The following FILIP1L variants were observed in gnomAD, a reference collection of about 807,000 sequenced individuals.
The protein encoded by FILIP1L is filamin A interacting protein 1 like.
A neutral mutation model predicts 96.6 loss-of-function variants in FILIP1L; 55 were observed. The ratio of observed to expected loss-of-function variants is 0.57; its 90% CI spans 0.46 to 0.71. FILIP1L has a LOEUF of 0.71. Among genes scored for constraint, FILIP1L ranks in the 30% least tolerant of loss-of-function variants. The pLI, the probability that FILIP1L is intolerant of heterozygous loss-of-function variation, is 0.00. For missense variants in FILIP1L, 1,304 were observed against 1,321.2 expected (o/e 0.99, Z 0.20); for synonymous variants, 467 against 473.9 (o/e 0.99, Z 0.19).
At chr3:99,866,896 T>C (rs763621746) in intron 4 of FILIP1L, among the ~76,000 whole-genome samples, 5 of 152,238 alleles carry the variant, frequency 3.3e-5, no homozygotes, top group Admixed American at 6.5e-5. Flanking sequence ...TTGCTTGTCC[T>C]CTTGCATGCT....
intron 1 of FILIP1L, among the ~76,000 whole-genome samples, chr3:100,028,697 G>C (rs1270647144): frequency 1.3e-5 from 2 of 152,076 alleles, no homozygotes; most frequent in African/African-American, 2.4e-5. Context: ...AAGTATTTAT[G>C]ATAATTTATC....
At chr3:100,053,211 C>G (rs143230650) in intron 1 of FILIP1L, among the ~76,000 whole-genome samples, 1 of 152,244 alleles carries the variant, frequency 6.6e-6, no homozygotes, top group African/African-American at 2.4e-5. Context: ...GACACAGTTT[C>G]CTAGGACTGC....
intron 1 of FILIP1L, among the ~76,000 whole-genome samples, chr3:100,092,548 A>G (rs1402267853): frequency 1.3e-5 from 2 of 151,420 alleles, no homozygotes; most frequent in African/African-American, 4.9e-5. Context: ...GCATGTGTAT[A>G]TCTTGTATTT....
intron 4 of FILIP1L, among the ~76,000 whole-genome samples, chr3:99,855,425 G>A (rs1943914274): frequency 6.6e-6 from 1 of 152,182 alleles, no homozygotes; most frequent in Admixed American, 6.5e-5. Flanking sequence ...TGCCAGTGAT[G>A]TGTTGCCAAG....
intron 1 of FILIP1L, among the ~76,000 whole-genome samples, chr3:100,102,730 G>T (rs964476814): frequency 6.6e-6 from 1 of 152,020 alleles, no homozygotes; most frequent in Non-Finnish European, 1.5e-5. Flanking sequence ...GCTTCCTCTG[G>T]GTTTGTTCAT....
rs149950093 is a variant in FILIP1L at position 99,840,672 on chromosome 3, A to G, written c.3381+7623T>C. Among the ~76,000 whole-genome samples the G allele has an allele frequency of 3.3e-5, 5 of 152,314 alleles. No homozygotes were observed. The East Asian group carries it at 9.6e-4, about 29-fold the overall frequency. On this transcript the variant is annotated intron_variant, in intron 5 of 5. Coordinates refer to ENST00000477258, the MANE Select transcript of FILIP1L (RefSeq NM_001387850.1). The stretch of plus-strand genomic sequence containing the variant: ...ACTTTATTTCCCAAAAGGAATTTTA[A>G]ATGATTTAAGGAGGGTGGCAAGACT...
chr3:99,846,520 A>G (rs1943371046), intron 5 of FILIP1L, among the ~76,000 whole-genome samples: 1 of 152,240 alleles, frequency 6.6e-6, no homozygotes, highest in Non-Finnish European at 1.5e-5. Context: ...ATAAACATTT[A>G]GACCATCATG....
chr3:99,890,754 A>G (rs1177908297), intron 4 of FILIP1L, among the ~76,000 whole-genome samples: 2 of 151,404 alleles, frequency 1.3e-5, no homozygotes, highest in Middle Eastern at 3.2e-3. Flanking sequence ...CATATTAAGT[A>G]TGTCTTACAT....
intron 4 of FILIP1L, among the ~76,000 whole-genome samples, chr3:99,887,540 GT>G (rs951416984): frequency 6.6e-6 from 1 of 152,200 alleles, no homozygotes; most frequent in Admixed American, 6.5e-5. Context: ...TAAGTAGTGG[GT>G]TCTGGGTTTT....
intron 1 of FILIP1L, chr3:100,025,469 G>A (rs770077807): frequency 3.9e-5 from 6 of 152,066 alleles, no homozygotes; most frequent in Admixed American, 3.9e-4. Context: ...AGGATTTGAT[G>A]TTGCCTAGGG....
At chr3:99,851,330 T>C (rs866398177) in intron 4 of FILIP1L, among the ~76,000 whole-genome samples, 23 of 152,216 alleles carry the variant, frequency 1.5e-4, no homozygotes, top group Admixed American at 1.0e-3. Flanking sequence ...CAAGAATATT[T>C]AGTTTAAATT....
At chr3:100,002,294 C>G (rs1245606275) in intron 1 of FILIP1L, among the ~76,000 whole-genome samples, 1 of 152,108 alleles carries the variant, frequency 6.6e-6, no homozygotes, top group African/African-American at 2.4e-5. Context: ...ATTTTTTGTA[C>G]CTTCAAAACT....
intron 1 of FILIP1L, among the ~76,000 whole-genome samples, chr3:99,998,724 C>T (rs1197445260): frequency 6.6e-6 from 1 of 152,140 alleles, no homozygotes; most frequent in Non-Finnish European, 1.5e-5. Flanking sequence ...CACCATGCCC[C>T]AGCCAATTTT....
At chr3:99,911,415 C>T (rs1428572206) in intron 4 of FILIP1L, among the ~76,000 whole-genome samples, 1 of 151,530 alleles carries the variant, frequency 6.6e-6, no homozygotes, top group African/African-American at 2.4e-5. Context: ...TAACACAAGG[C>T]CTGTATACAC....
chr3:99,974,709 A>AAACAACAAC (rs371476675), intron 1 of FILIP1L, among the ~76,000 whole-genome samples: 1 of 151,912 alleles, frequency 6.6e-6, no homozygotes, highest in Admixed American at 6.6e-5. Context: ...CTCCATCTCA[A>AAACAACAAC]AACAACAACA....
At chr3:100,080,027 T>A (rs1285710840) in intron 1 of FILIP1L, among the ~76,000 whole-genome samples, 1 of 152,158 alleles carries the variant, frequency 6.6e-6, no homozygotes, top group Non-Finnish European at 1.5e-5. Context: ...ATATGAGAAA[T>A]TAAATGCTTC....
At position 100,093,247 on chromosome 3, in the gene FILIP1L, C is replaced by A. The variant is rs1031951632; in HGVS notation, c.-11+20806G>T. On this transcript the variant is annotated intron_variant, in intron 1 of 5. Transcript: ENST00000477258. ...CAGCTTATGTCATTAGATATTAGTTCTGTGTTTTTATAGCTGATGTCTTCT... is the reference window on the plus strand; with the variant it reads ...CAGCTTATGTCATTAGATATTAGTTATGTGTTTTTATAGCTGATGTCTTCT... 1.8e-4 allele frequency among the ~76,000 whole-genome samples: 27 copies of A among 152,150 alleles called. 1 individual carries two copies. The highest frequency in any genetic ancestry group is 6.5e-4 in the African/African-American group (27 of 41,524).
chr3:100,030,785 C>T (rs2065010247), intron 1 of FILIP1L, among the ~76,000 whole-genome samples: 1 of 152,108 alleles, frequency 6.6e-6, no homozygotes, highest in Admixed American at 6.6e-5. Flanking sequence ...GTTTTCCCTC[C>T]CTGTAGCAAG....
chr3:100,099,323 G>A (rs926292601), intron 1 of FILIP1L, among the ~76,000 whole-genome samples: 2 of 152,064 alleles, frequency 1.3e-5, no homozygotes, highest in African/African-American at 4.8e-5. Flanking sequence ...ACCCTTTAAA[G>A]CACAGAGATG....
Sources: gnomAD v4.1 joint callset for allele counts (sites outside exome capture counted in the v4.1 genomes callset) on GRCh38, gnomAD v4.1.1 for gene constraint, MANE v1.5 for transcripts, NCBI Gene and HGNC (gene_info 2026-07-23, HGNC 2026-07-21) for gene names.